RCOR1: variants seen among roughly 807,000 people sequenced by gnomAD.
The protein encoded by RCOR1 is REST corepressor 1, also known as REST corepressor.
Under a neutral mutation model 64.0 loss-of-function variants are expected in RCOR1, and 12 were observed. That is an observed-to-expected ratio of 0.19 (90% CI 0.12 to 0.30). The LOEUF is 0.30. Ranked by LOEUF, RCOR1 falls within the 10% of genes least tolerant of loss-of-function variation. The pLI, the probability that RCOR1 is intolerant of heterozygous loss-of-function variation, is 1.00. For missense variants in RCOR1, 502 were observed against 621.2 expected (o/e 0.81, Z 2.04); for synonymous variants, 279 against 227.2 (o/e 1.23, Z -2.05).
Position 102,629,745 on chromosome 14 carries a change from G to T in RCOR1, c.361+36420G>T, listed in dbSNP as rs187928826. Among the ~76,000 whole-genome samples the T allele has an allele frequency of 1.4e-4, 22 of 152,292 alleles. 1 individual carries two copies. Among genetic ancestry groups the T allele is most frequent in the Admixed American group, 1.2e-3 (19 of 15,294 alleles). On this transcript the variant is annotated intron_variant, in intron 2 of 11. Coordinates refer to ENST00000262241, the MANE Select transcript of RCOR1 (RefSeq NM_015156.4). ...TGCTTCTAGCTCCACGTGTGTGCGA[G>T]TCTGCATATGTGAGTGTAAGGGCAG...
At position 102,631,161 on chromosome 14, in the gene RCOR1, C is replaced by T. The variant is rs138569172; in HGVS notation, c.361+37836C>T. On this transcript the variant is annotated intron_variant, in intron 2 of 11. Transcript: ENST00000262241. ...CCAAACTCACTGTGAGAAGTGACTGCATGGGGTGTGGGAGTAGGTCCATTG... is the reference window on the plus strand; with the variant it reads ...CCAAACTCACTGTGAGAAGTGACTGTATGGGGTGTGGGAGTAGGTCCATTG... 1.7e-3 allele frequency among the ~76,000 whole-genome samples: 253 copies of T among 151,972 alleles called. 2 individuals are homozygous for T. The highest frequency in any genetic ancestry group is 6.0e-3 in the African/African-American group (249 of 41,444).
At chr14:102,718,336 C>T (rs532279224) in intron 8 of RCOR1, among the ~76,000 whole-genome samples, 1 of 152,270 alleles carries the variant, frequency 6.6e-6, no homozygotes, top group East Asian at 1.9e-4. Flanking sequence ...AAGCAAAAGC[C>T]TTACCGGAAG....
At chr14:102,716,776 T>A (rs967714005) in intron 8 of RCOR1, among the ~76,000 whole-genome samples, 1 of 152,226 alleles carries the variant, frequency 6.6e-6, no homozygotes, top group African/African-American at 2.4e-5. Flanking sequence ...TGGTGTAATA[T>A]AAGTTCTCCA....
intron 2 of RCOR1, among the ~76,000 whole-genome samples, chr14:102,616,940 G>A (rs1000241583): frequency 6.6e-6 from 1 of 152,160 alleles, no homozygotes; most frequent in African/African-American, 2.4e-5. Flanking sequence ...GCTAACAAAC[G>A]GTTGCCAGCT....
intron 7 of RCOR1, among the ~76,000 whole-genome samples, chr14:102,713,141 A>G (rs1895995598): frequency 6.7e-6 from 1 of 149,210 alleles, no homozygotes; most frequent in Non-Finnish European, 1.5e-5. Context: ...TTTACTAGAG[A>G]CGGAGTTTCA....
chr14:102,706,106 C>T (rs1895847630), intron 4 of RCOR1, among the ~76,000 whole-genome samples: 1 of 72,560 alleles, frequency 1.4e-5, no homozygotes, highest in African/African-American at 6.9e-5. Flanking sequence ...GAGAGTGAAA[C>T]CCTGTCTCAA....
intron 2 of RCOR1, among the ~76,000 whole-genome samples, chr14:102,681,294 G>A (rs1362092687): frequency 1.3e-5 from 2 of 152,202 alleles, no homozygotes; most frequent in Non-Finnish European, 2.9e-5. Flanking sequence ...TGAACCTCCT[G>A]TTTCTCGAGT....
At chr14:102,596,456 C>T (rs984678457) in intron 2 of RCOR1, among the ~76,000 whole-genome samples, 2 of 152,198 alleles carry the variant, frequency 1.3e-5, no homozygotes, top group Non-Finnish European at 2.9e-5. Context: ...AGACTTAAGA[C>T]AGGTTCTTTC....
rs1457591004 is a variant in RCOR1, at chr14:102,592,940, G to A, written c.54G>A (p.Arg18=). 1 of 1,219,188 alleles carries A rather than the reference G, an allele frequency of 8.2e-7. No individual in the cohort carries two copies. The highest frequency in any genetic ancestry group is 1.0e-6 in the Non-Finnish European group (1 of 972,560). The allele number at this position is 1,219,188 out of a possible 1,614,324, so 75.5% of individuals were successfully genotyped here. ...AGGTCTCAGGGAAGCGGAGAGGGAG[G>A]AACAACGCGGCCGCCTCCGCCTCCG... ...GPEVSGKRRG[R]NNAAASASAA... is the part of the protein sequence containing the mutation. Residue 18 remains arginine, a synonymous_variant, in exon 1 of 12, where the codon AGG becomes AGA. Coordinates refer to ENST00000262241, the MANE Select transcript of RCOR1 (RefSeq NM_015156.4).
chr14:102,594,367 G>A (rs1266363480), intron 2 of RCOR1, among the ~76,000 whole-genome samples: 2 of 151,728 alleles, frequency 1.3e-5, no homozygotes, highest in Non-Finnish European at 2.9e-5. Flanking sequence ...AAAGATAAAC[G>A]CATACATGTT....
chr14:102,729,805 C>G lies in RCOR1; in HGVS notation c.*3299C>G, dbSNP rs1896334786. ...AAACAGTGCATTACGCTAACTGGAT[C>G]CCTGCTTTTATGTGAGCTAAGGAAA... On this transcript the variant is annotated 3_prime_UTR_variant, in exon 12 of 12. Transcript: ENST00000262241. 1 of 398,918 alleles carries G rather than the reference C, an allele frequency of 2.5e-6. No individual in the cohort carries two copies. Among genetic ancestry groups the G allele is most frequent in the Non-Finnish European group, 4.4e-6 (1 of 226,076 alleles). The allele number at this position is 398,918 out of a possible 1,614,324, so 24.7% of individuals were successfully genotyped here.
At chr14:102,629,331 G>T in intron 2 of RCOR1, among the ~76,000 whole-genome samples, 1 of 151,264 alleles carries the variant, frequency 6.6e-6, no homozygotes, top group East Asian at 1.9e-4. Flanking sequence ...TACTCTTATC[G>T]TCATCTAACA....
At chr14:102,594,786 G>A (rs1893209448) in intron 2 of RCOR1, among the ~76,000 whole-genome samples, 2 of 151,906 alleles carry the variant, frequency 1.3e-5, no homozygotes, top group South Asian at 4.2e-4. Flanking sequence ...GAAGCATACT[G>A]TTTTTTGGTT....
intron 3 of RCOR1, among the ~76,000 whole-genome samples, chr14:102,682,543 G>A (rs149680441): frequency 1.2e-4 from 19 of 152,302 alleles, no homozygotes; most frequent in Admixed American, 2.0e-4. Context: ...GCTTCCATAT[G>A]TGTCCTTTAA....
chr14:102,679,010 T>G (rs1440354288), intron 2 of RCOR1, among the ~76,000 whole-genome samples: 1 of 152,258 alleles, frequency 6.6e-6, no homozygotes, highest in African/African-American at 2.4e-5. Context: ...AAGTTCTTTA[T>G]GTATTCTGGA....
At chr14:102,640,036 C>T (rs1406826050) in intron 2 of RCOR1, among the ~76,000 whole-genome samples, 1 of 152,038 alleles carries the variant, frequency 6.6e-6, no homozygotes, top group African/African-American at 2.4e-5. Context: ...GTAGAGATGG[C>T]GTTTCACCAT....
At chr14:102,668,643 C>T (rs919057737) in intron 2 of RCOR1, among the ~76,000 whole-genome samples, 1 of 151,878 alleles carries the variant, frequency 6.6e-6, no homozygotes, top group Non-Finnish European at 1.5e-5. Flanking sequence ...TGCAGGGGGG[C>T]GGGGCGGTGC....
At chr14:102,650,888 T>G (rs1427078810) in intron 2 of RCOR1, 1 of 549,044 alleles carries the variant, frequency 1.8e-6, no homozygotes, top group Non-Finnish European at 2.3e-6. Flanking sequence ...GCACTTACTC[T>G]TAGATGTTAA....
intron 2 of RCOR1, among the ~76,000 whole-genome samples, chr14:102,648,191 G>GCCTC (rs1287411098): frequency 6.6e-6 from 1 of 152,016 alleles, no homozygotes; most frequent in Non-Finnish European, 1.5e-5. Flanking sequence ...CAATTCTCCT[G>GCCTC]CCTCAGCCTT....
Sources: allele counts gnomAD v4.1 joint callset (sites outside exome capture counted in the v4.1 genomes callset), GRCh38; gene constraint gnomAD v4.1.1; transcripts MANE v1.5; gene names NCBI Gene and HGNC (gene_info 2026-07-23, HGNC 2026-07-21).